The following MRRF variants were observed in gnomAD, a reference collection of about 807,000 sequenced individuals.
MRRF encodes mitochondrial ribosome recycling factor, also known as ribosome-recycling factor, mitochondrial.
MRRF carries 18 observed loss-of-function variants against 25.1 expected under a neutral mutation model. That is an observed-to-expected ratio of 0.72 (90% CI 0.50 to 1.06). The LOEUF is 1.06. MRRF is among the 50% of genes least tolerant of loss of function. MRRF has a pLI of 0.00. For synonymous variants in MRRF, 113 were observed against 112.1 expected (o/e 1.01, Z -0.05); for missense variants, 323 against 319.3 (o/e 1.01, Z -0.09).
chr9:122,285,564 G>A lies in MRRF; in HGVS notation c.459+277G>A, dbSNP rs536275732. On this transcript the variant is annotated intron_variant, in intron 4 of 6. Coordinates refer to ENST00000344641, the MANE Select transcript of MRRF (RefSeq NM_138777.5). ...ATGCAGTGATTGGTGCTTGGCCAGCGTGAAAAGGCTCTGGTGAGCTGGAGA... is the reference window on the plus strand; with the variant it reads ...ATGCAGTGATTGGTGCTTGGCCAGCATGAAAAGGCTCTGGTGAGCTGGAGA... 5.9e-5 allele frequency: 26 copies of A among 442,724 alleles called. 1 individual carries two copies. The highest frequency in any genetic ancestry group is 3.7e-4 in the South Asian group (18 of 48,092). The allele number at this position is 442,724 out of a possible 1,614,324, so 27.4% of individuals were successfully genotyped here.
At chr9:122,302,316 A>G (rs549511422) in intron 5 of MRRF, among the ~76,000 whole-genome samples, 2 of 152,296 alleles carry the variant, frequency 1.3e-5, no homozygotes, top group South Asian at 2.1e-4. Context: ...CCCCAAAAAG[A>G]CACTCTACCC....
At chr9:122,312,891 C>T (rs537745558) in intron 5 of MRRF, among the ~76,000 whole-genome samples, 54 of 152,252 alleles carry the variant, frequency 3.5e-4, no homozygotes, top group Admixed American at 1.2e-3. Flanking sequence ...GAAGAGCTTT[C>T]TGCCTGGAAG....
At chr9:122,267,325 G>T (rs1832178009) in intron 1 of MRRF, among the ~76,000 whole-genome samples, 1 of 149,906 alleles carries the variant, frequency 6.7e-6, no homozygotes. Context: ...AGGTTGCAGT[G>T]AGCTGAGAAC....
intron 2 of MRRF, among the ~76,000 whole-genome samples, chr9:122,273,551 T>G (rs1832595072): frequency 1.3e-5 from 2 of 152,192 alleles, no homozygotes; most frequent in Non-Finnish European, 2.9e-5. Context: ...ATGTATTAGT[T>G]TTTTGAGTTA....
Position 122,323,695 on chromosome 9 carries a change from G to C in MRRF, c.*1078G>C, listed in dbSNP as rs1836018467. ...TTCCTAATATAGCCATTATGAGTTA[G>C]GTATAGTTCTAGGCATTATTTATAA... On this transcript the variant is annotated 3_prime_UTR_variant, in exon 7 of 7. Coordinates refer to ENST00000344641, the MANE Select transcript of MRRF (RefSeq NM_138777.5). 6.6e-6 allele frequency: 1 copy of C among 152,090 alleles called. No homozygotes were observed. The highest frequency in any genetic ancestry group is 6.5e-5 in the Admixed American group (1 of 15,276). The allele number at this position is 152,090 out of a possible 1,614,324, so 9.4% of individuals were successfully genotyped here. A position where few individuals can be genotyped will look rare whatever the true frequency, so the allele number is the denominator to read the frequency against.
chr9:122,312,772 T>C (rs1588080498), intron 5 of MRRF, among the ~76,000 whole-genome samples: 3 of 152,362 alleles, frequency 2.0e-5, no homozygotes, highest in Middle Eastern at 6.8e-3. Flanking sequence ...CAGCCTCTTT[T>C]CTTGTCACTC....
intron 2 of MRRF, among the ~76,000 whole-genome samples, chr9:122,276,561 A>G (rs1440210684): frequency 6.6e-6 from 1 of 152,252 alleles, no homozygotes; most frequent in Non-Finnish European, 1.5e-5. Context: ...AGAAGTGTTT[A>G]AAGTTTTTCA....
intron 5 of MRRF, among the ~76,000 whole-genome samples, chr9:122,306,491 A>C (rs191234393): frequency 2.3e-3 from 357 of 152,330 alleles, no homozygotes; most frequent in African/African-American, 8.4e-3. Context: ...AGGGCCACAA[A>C]GCTAAAAACT....
chr9:122,295,280 T>C (rs747634532), intron 5 of MRRF, among the ~76,000 whole-genome samples: 13 of 152,166 alleles, frequency 8.5e-5, no homozygotes, highest in Non-Finnish European at 1.8e-4. Flanking sequence ...GGAGCATCAT[T>C]CCTTTTTAGG....
chr9:122,272,907 C>G (rs1243417911), intron 2 of MRRF, among the ~76,000 whole-genome samples: 1 of 152,050 alleles, frequency 6.6e-6, no homozygotes, highest in Non-Finnish European at 1.5e-5. Context: ...ACTCTTTACT[C>G]CCAGATTTGT....
chr9:122,297,874 T>C (rs537017996), intron 5 of MRRF, among the ~76,000 whole-genome samples: 1 of 152,300 alleles, frequency 6.6e-6, no homozygotes, highest in African/African-American at 2.4e-5. Context: ...GACCCAAACT[T>C]GATGTGGTTC....
rs559563383 is a variant in MRRF, at chr9:122,289,954, C to G, written c.460-1795C>G. ...TTTCCTCCTGCAGCTACTTGGGAGG[C>G]TGAGGTGGAGAGTCACCTGAGCCTG... On this transcript the variant is annotated intron_variant, in intron 4 of 6. Coordinates refer to ENST00000344641, the MANE Select transcript of MRRF (RefSeq NM_138777.5). 4.0e-5 allele frequency among the ~76,000 whole-genome samples: 6 copies of G among 151,342 alleles called. No homozygotes were observed. The East Asian group carries it at 1.2e-3, about 29-fold the overall frequency.
In MRRF at chr9:122,285,718, A is replaced by G. The variant is rs561747998; in HGVS notation, c.459+431A>G. ...ATTTCCAGAAGAAGCTAGTAACACA[A>G]ATTTTTATGTGACATCTTTATTCTG... On this transcript the variant is annotated intron_variant, in intron 4 of 6. Coordinates refer to ENST00000344641, the MANE Select transcript of MRRF (RefSeq NM_138777.5). The G allele has an allele frequency of 1.2e-4, 145 of 1,220,718 alleles. 2 individuals are homozygous for G. The highest frequency in any genetic ancestry group is 6.2e-4 in the East Asian group (11 of 17,610). The allele number at this position is 1,220,718 out of a possible 1,614,324, so 75.6% of individuals were successfully genotyped here.
At chr9:122,313,437 AT>A (rs773110435) in intron 6 of MRRF, 51 bp downstream of exon 6, 2 of 1,592,574 alleles carry the variant, frequency 1.3e-6, no homozygotes, top group South Asian at 2.2e-5. Context: ...ATAAGGAATC[AT>A]TTGTTCATGT....
intron 5 of MRRF, among the ~76,000 whole-genome samples, chr9:122,304,100 C>CACACACACACACACACA (rs907283393): frequency 1.3e-5 from 2 of 150,000 alleles, no homozygotes; most frequent in African/African-American, 4.9e-5. Context: ...CACACACACA[C>CACACACACACACACACA]CCTTTAGGGA....
intron 5 of MRRF, 115 bp from the exon 6 acceptor site, chr9:122,313,112 G>A: frequency 9.1e-7 from 1 of 1,098,362 alleles, no homozygotes; most frequent in Non-Finnish European, 1.4e-6. Context: ...CAGGAGTTCA[G>A]CCCACAGAGA....
chr9:122,297,224 G>A (rs117475734), intron 5 of MRRF, among the ~76,000 whole-genome samples: 2,315 of 152,232 alleles, frequency 0.015, 32 homozygotes, highest in Admixed American at 0.022. Flanking sequence ...GAGGTGAATC[G>A]CTTGAACCCG....
At chr9:122,270,465 A>C (rs1832380520) in intron 1 of MRRF, among the ~76,000 whole-genome samples, 1 of 152,220 alleles carries the variant, frequency 6.6e-6, no homozygotes, top group Non-Finnish European at 1.5e-5. Context: ...TTTCTTATTT[A>C]AAGTCCTCTT....
chr9:122,308,737 G>C (rs1466653668), intron 5 of MRRF, among the ~76,000 whole-genome samples: 1 of 149,400 alleles, frequency 6.7e-6, no homozygotes, highest in Non-Finnish European at 1.5e-5. Flanking sequence ...GGGTCATGCT[G>C]TCTCATCCAG....
Sources: allele counts gnomAD v4.1 joint callset (sites outside exome capture counted in the v4.1 genomes callset), GRCh38; gene constraint gnomAD v4.1.1; transcripts MANE v1.5; gene names NCBI Gene and HGNC (gene_info 2026-07-23, HGNC 2026-07-21).